CTTNBP2NL: variants seen among roughly 807,000 people sequenced by gnomAD.
CTTNBP2NL encodes the protein CTTNBP2 N-terminal-like protein.
Under a neutral mutation model 32.5 loss-of-function variants are expected in CTTNBP2NL, and 16 were observed. The observed-to-expected ratio is 0.49, with a 90% CI of 0.33 to 0.75. The LOEUF (loss-of-function observed/expected upper bound fraction) is 0.75. Ranked by LOEUF, CTTNBP2NL falls within the 30% of genes least tolerant of loss-of-function variation. The probability of loss-of-function intolerance (pLI) is 0.02; values close to 1 mark genes in which losing one functional copy is unlikely to be tolerated. For synonymous variants in CTTNBP2NL, 298 were observed against 289.4 expected (o/e 1.03, Z -0.30); for missense variants, 645 against 756.0 (o/e 0.85, Z 1.72).
At chr1:112,449,298 C>T (rs1468446416) in intron 4 of CTTNBP2NL, 126 bp downstream of exon 4, 1 of 578,156 alleles carries the variant, frequency 1.7e-6, no homozygotes, top group South Asian at 2.6e-5. Context: ...ATCAAAAAGC[C>T]CCTTAGTTTA....
At chr1:112,427,268 C>T (rs1453676882) in intron 3 of CTTNBP2NL, among the ~76,000 whole-genome samples, 4 of 152,038 alleles carry the variant, frequency 2.6e-5, no homozygotes, top group Non-Finnish European at 5.9e-5. Flanking sequence ...CATTTTTTCT[C>T]GTTAATCTGG....
At chr1:112,406,196 A>AC (rs1246665910) in intron 1 of CTTNBP2NL, among the ~76,000 whole-genome samples, 2 of 152,046 alleles carry the variant, frequency 1.3e-5, no homozygotes, top group Non-Finnish European at 2.9e-5. Flanking sequence ...AAAAAAAAAA[A>AC]CGTGTGCTAG....
At chr1:112,428,769 TTC>T (rs1649476561) in intron 3 of CTTNBP2NL, among the ~76,000 whole-genome samples, 1 of 152,160 alleles carries the variant, frequency 6.6e-6, no homozygotes, top group South Asian at 2.1e-4. Context: ...CTGTAATATT[TTC>T]TGTTATACTT....
rs1162755251 is a variant in CTTNBP2NL, at chr1:112,454,529, G to C, written c.411G>C (p.Glu137Asp). 1 of 1,613,538 alleles carries C rather than the reference G, an allele frequency of 6.2e-7. No individual in the cohort carries two copies. Among genetic ancestry groups the C allele is most frequent in the African/African-American group, 1.3e-5 (1 of 75,050 alleles). Residue 137 changes from glutamate (E) to aspartate (D), a missense_variant, in exon 5 of 6, where the codon GAG (glutamate) becomes GAC (aspartate). Transcript: ENST00000271277. ...AEGDDVTYML[E>D]KERERLTQQL... is the part of the protein sequence containing the mutation. ...GAGATGATGTCACCTACATGCTAGA[G>C]AAGGAAAGAGAGAGGCTGACTCAAC...
At chr1:112,402,949 C>A (rs1261799397) in intron 1 of CTTNBP2NL, among the ~76,000 whole-genome samples, 1 of 152,122 alleles carries the variant, frequency 6.6e-6, no homozygotes, top group Non-Finnish European at 1.5e-5. Context: ...AAACCCAGTT[C>A]CATTTCTAAC....
At chr1:112,419,780 A>G (rs1401195805) in intron 3 of CTTNBP2NL, among the ~76,000 whole-genome samples, 1 of 152,230 alleles carries the variant, frequency 6.6e-6, no homozygotes, top group Non-Finnish European at 1.5e-5. Context: ...CAGATCTTTG[A>G]AAGTCTTAAA....
intron 1 of CTTNBP2NL, among the ~76,000 whole-genome samples, chr1:112,401,573 G>A (rs1322293549): frequency 6.6e-6 from 1 of 152,136 alleles, no homozygotes; most frequent in Non-Finnish European, 1.5e-5. Context: ...GATTAAAAGT[G>A]GTTTTTACCT....
At chr1:112,417,086 G>A (rs1236335305) in intron 3 of CTTNBP2NL, among the ~76,000 whole-genome samples, 2 of 152,138 alleles carry the variant, frequency 1.3e-5, no homozygotes, top group Non-Finnish European at 2.9e-5. Context: ...AATTAGGATA[G>A]GAGTGGAGGT....
At chr1:112,413,587 A>G (rs934790889) in intron 2 of CTTNBP2NL, among the ~76,000 whole-genome samples, 1 of 152,126 alleles carries the variant, frequency 6.6e-6, no homozygotes, top group Non-Finnish European at 1.5e-5. Context: ...ACCAAGCTAC[A>G]TGTTCTTTCC....
intron 4 of CTTNBP2NL, among the ~76,000 whole-genome samples, chr1:112,449,502 A>G (rs974824476): frequency 9.9e-5 from 15 of 151,382 alleles, no homozygotes; most frequent in South Asian, 4.2e-4. Context: ...AGTGTTCTCT[A>G]TTTGCTTACT....
intron 1 of CTTNBP2NL, among the ~76,000 whole-genome samples, chr1:112,405,808 T>G (rs1365970860): frequency 6.6e-6 from 1 of 151,766 alleles, no homozygotes; most frequent in Non-Finnish European, 1.5e-5. Flanking sequence ...TATAGCAGAG[T>G]TGCATGAGTC....
intron 3 of CTTNBP2NL, among the ~76,000 whole-genome samples, chr1:112,432,569 T>C (rs1227109725): frequency 1.3e-5 from 2 of 152,086 alleles, no homozygotes; most frequent in East Asian, 3.9e-4. Flanking sequence ...ACATTCTTCT[T>C]TTCTTATACC....
chr1:112,419,942 CATGAACAT>C (rs1246216432), intron 3 of CTTNBP2NL, among the ~76,000 whole-genome samples: 1 of 152,146 alleles, frequency 6.6e-6, no homozygotes, highest in African/African-American at 2.4e-5. Flanking sequence ...CACATGAACA[CATGAACAT>C]AAGCTATAAC....
At chr1:112,400,310 G>A (rs1648459907) in intron 1 of CTTNBP2NL, among the ~76,000 whole-genome samples, 1 of 152,170 alleles carries the variant, frequency 6.6e-6, no homozygotes, top group Non-Finnish European at 1.5e-5. Context: ...CTTCACCGTA[G>A]CTCAGTCTGT....
intron 3 of CTTNBP2NL, among the ~76,000 whole-genome samples, chr1:112,425,642 T>G (rs1649371217): frequency 6.6e-6 from 1 of 151,226 alleles, no homozygotes; most frequent in Non-Finnish European, 1.5e-5. Context: ...CGTGGGTGGA[T>G]CATTCAAGTC....
At chr1:112,406,845 A>G (rs986531527) in intron 1 of CTTNBP2NL, among the ~76,000 whole-genome samples, 1 of 152,184 alleles carries the variant, frequency 6.6e-6, no homozygotes, top group Non-Finnish European at 1.5e-5. Context: ...ATGTATTTGA[A>G]TAGAGTACTA....
rs150633536 is a variant in CTTNBP2NL at position 112,457,202 on chromosome 1, C to T, written c.1710C>T (p.Thr570=). Residue 570 remains threonine (T), a synonymous_variant, in exon 6 of 6, where the codon ACC becomes ACT. Transcript: ENST00000271277. ...TGTCTCCAGGAATCAAGTCCCCAAC[C>T]ATCCCCAGAGCTGAGAGAGGAAACC... ...SPLSPGIKSP[T]IPRAERGNPP... The T allele has an allele frequency of 1.6e-5, 26 of 1,614,072 alleles. No individual in the cohort carries two copies. The highest frequency in any genetic ancestry group is 2.1e-5 in the Non-Finnish European group (25 of 1,180,038).
In CTTNBP2NL at chr1:112,456,653, G is replaced by A. The variant is rs116371881; in HGVS notation, c.1161G>A (p.Val387=). 2,090 of 1,614,146 alleles carry A rather than the reference G, an allele frequency of 1.3e-3. 20 individuals are homozygous for A. The African/African-American group carries it at 0.024, about 18-fold the overall frequency. ...TGGCATTGGCCCAAGAGAAACCAGT[G>A]GAGAATGGTGGGTGTCCTGTGGGGA... is the stretch of plus-strand genomic sequence containing the variant. ...KSVALAQEKP[V]ENGGCPVGIE... The change falls in exon 6 of 6, where the codon GTG becomes GTA. Residue 387 remains valine (V), a synonymous_variant. Coordinates refer to ENST00000271277, the MANE Select transcript of CTTNBP2NL (RefSeq NM_018704.3).
intron 3 of CTTNBP2NL, among the ~76,000 whole-genome samples, chr1:112,423,871 A>AT (rs1649312209): frequency 6.6e-6 from 1 of 152,098 alleles, no homozygotes; most frequent in Non-Finnish European, 1.5e-5. Context: ...TTACAGGCAC[A>AT]TGCCATCATA....
Sources: gnomAD v4.1 joint callset for allele counts (sites outside exome capture counted in the v4.1 genomes callset) on GRCh38, gnomAD v4.1.1 for gene constraint, MANE v1.5 for transcripts, NCBI Gene and HGNC (gene_info 2026-07-23, HGNC 2026-07-21) for gene names.